Variants in E2F5 observed in about 807,000 individuals in gnomAD.
The protein encoded by E2F5 is E2F transcription factor 5.
Under a neutral mutation model 39.1 loss-of-function variants are expected in E2F5, and 23 were observed. The ratio of observed to expected loss-of-function variants is 0.59; its 90% CI spans 0.42 to 0.83. E2F5 has a LOEUF of 0.83. Ranked by LOEUF, E2F5 falls within the 40% of genes least tolerant of loss-of-function variation. The probability of loss-of-function intolerance (pLI) is 0.00; values close to 1 mark genes in which losing one functional copy is unlikely to be tolerated. For missense variants in E2F5, 365 were observed against 406.7 expected (o/e 0.90, Z 0.88); for synonymous variants, 145 against 157.8 (o/e 0.92, Z 0.61).
At chr8:85,204,657 C>T (rs1193036296) in intron 3 of E2F5, among the ~76,000 whole-genome samples, 4 of 151,426 alleles carry the variant, frequency 2.6e-5, no homozygotes, top group African/African-American at 7.3e-5. Context: ...CAAACCTGCA[C>T]GTTGTGCACA....
At chr8:85,181,973 A>T (rs77611935) in intron 1 of E2F5, among the ~76,000 whole-genome samples, 2 of 145,880 alleles carry the variant, frequency 1.4e-5, no homozygotes, top group Non-Finnish European at 3.0e-5. Context: ...AAAAAAAAAA[A>T]CATGGCTCAA....
chr8:85,180,058 G>C (rs1276718422), intron 1 of E2F5, among the ~76,000 whole-genome samples: 1 of 150,874 alleles, frequency 6.6e-6, no homozygotes, highest in Non-Finnish European at 1.5e-5. Flanking sequence ...GTCTTGCTCT[G>C]TCACCCAGGC....
chr8:85,184,930 A>G (rs926562953), intron 1 of E2F5, among the ~76,000 whole-genome samples: 2 of 152,232 alleles, frequency 1.3e-5, no homozygotes, highest in African/African-American at 4.8e-5. Context: ...GAACATGGCC[A>G]TACTGCCCAA....
intron 7 of E2F5, 177 bp from the exon 8 acceptor site, chr8:85,213,574 TTC>T (rs1250006257): frequency 1.3e-4 from 31 of 239,948 alleles, no homozygotes; most frequent in African/African-American, 2.5e-4. Flanking sequence ...AAAAATTAAC[TTC>T]TGTTTCTCAA....
intron 1 of E2F5, among the ~76,000 whole-genome samples, chr8:85,200,645 T>A (rs1812677091): frequency 6.6e-6 from 1 of 152,224 alleles, no homozygotes; most frequent in Non-Finnish European, 1.5e-5. Context: ...TCTGAGTTAC[T>A]TCTCTAGAGA....
chr8:85,198,899 A>G (rs1812635700), intron 1 of E2F5, among the ~76,000 whole-genome samples: 2 of 152,176 alleles, frequency 1.3e-5, no homozygotes, highest in African/African-American at 4.8e-5. Flanking sequence ...CAGAAGGTTC[A>G]AGGCCAGTTT....
At chr8:85,205,405 T>C (rs930619070) in intron 3 of E2F5, among the ~76,000 whole-genome samples, 1 of 152,010 alleles carries the variant, frequency 6.6e-6, no homozygotes, top group African/African-American at 2.4e-5. Flanking sequence ...CCTGCTAAGT[T>C]TTGTATTTTA....
chr8:85,203,528 G>T (rs982820575), intron 3 of E2F5, among the ~76,000 whole-genome samples: 1 of 152,042 alleles, frequency 6.6e-6, no homozygotes, highest in Non-Finnish European at 1.5e-5. Context: ...ATAGAATGCA[G>T]TATGCTAGCC....
At chr8:85,181,033 A>G (rs1812202261) in intron 1 of E2F5, among the ~76,000 whole-genome samples, 1 of 151,726 alleles carries the variant, frequency 6.6e-6, no homozygotes, top group African/African-American at 2.4e-5. Flanking sequence ...GTACACCATT[A>G]TGCCTGGCTT....
chr8:85,195,789 C>T (rs757394583), intron 1 of E2F5, among the ~76,000 whole-genome samples: 15 of 152,104 alleles, frequency 9.9e-5, no homozygotes, highest in Non-Finnish European at 1.9e-4. Flanking sequence ...GCCACTGCAT[C>T]GGCCAAGAGA....
intron 2 of E2F5, among the ~76,000 whole-genome samples, chr8:85,202,880 G>A (rs1187867303): frequency 1.3e-5 from 2 of 152,136 alleles, no homozygotes; most frequent in Non-Finnish European, 2.9e-5. Context: ...AGGGAAGATT[G>A]AGAATTTTTG....
chr8:85,203,117 C>T lies in E2F5; in HGVS notation c.368C>T (p.Thr123Ile). The T allele has an allele frequency of 3.2e-6, 5 of 1,564,576 alleles. No homozygotes were observed. Among genetic ancestry groups the T allele is most frequent in the Non-Finnish European group, 4.3e-6 (5 of 1,155,070 alleles). The change falls in exon 3 of 8, where the codon ACT (threonine) becomes ATT (isoleucine). Residue 123 changes from threonine to isoleucine, a missense_variant. Physicochemically the swap from Thr to Ile is moderately conservative, Grantham distance 89. Transcript: ENST00000416274. ...AGAGGTGTAGGTGCTGGCTGTAATA[C>T]TAAAGAAGTCATAGATAGATTAAGA... ...QWKGVGAGCN[T>I]KEVIDRLRYL...
intron 1 of E2F5, among the ~76,000 whole-genome samples, chr8:85,199,247 C>T (rs2403084): frequency 0.64 from 96,855 of 151,708 alleles, 31,617 homozygotes; most frequent in Non-Finnish European, 0.69. Flanking sequence ...TCAGAACCTT[C>T]GTGCTTGCTG....
In E2F5 at chr8:85,214,325, A is replaced by G; in HGVS notation, c.*463A>G. 1.7e-6 allele frequency: 1 copy of G among 591,106 alleles called. No homozygotes were observed. The highest frequency in any genetic ancestry group is 2.9e-5 in the Admixed American group (1 of 34,038). The allele number at this position is 591,106 out of a possible 1,614,324, so 36.6% of individuals were successfully genotyped here. ...AAGTGAAGGATGTAAACGAGGATAT[A>G]TAACTGTTTCAGTGAACAGATTTTG... is the stretch of plus-strand genomic sequence containing the variant. On this transcript the variant is annotated 3_prime_UTR_variant, in exon 8 of 8. Transcript: ENST00000416274.
At chr8:85,205,389 C>T (rs1313237019) in intron 3 of E2F5, among the ~76,000 whole-genome samples, 1 of 152,102 alleles carries the variant, frequency 6.6e-6, no homozygotes, top group Non-Finnish European at 1.5e-5. Flanking sequence ...GTGCTCACCA[C>T]CATGCCCTGC....
intron 5 of E2F5, among the ~76,000 whole-genome samples, chr8:85,208,330 A>AAAC (rs1211355118): frequency 2.6e-5 from 4 of 152,168 alleles, no homozygotes; most frequent in South Asian, 2.1e-4. Context: ...CTCTGTATCA[A>AAAC]AACAACAACA....
intron 2 of E2F5, among the ~76,000 whole-genome samples, chr8:85,202,592 T>C (rs963403443): frequency 6.6e-6 from 1 of 152,246 alleles, no homozygotes; most frequent in Non-Finnish European, 1.5e-5. Context: ...AATTTGTACT[T>C]TGTAAATAGT....
At chr8:85,187,121 A>T (rs1421512731) in intron 1 of E2F5, among the ~76,000 whole-genome samples, 2 of 151,844 alleles carry the variant, frequency 1.3e-5, no homozygotes, top group Non-Finnish European at 2.9e-5. Context: ...ATTTCCATGT[A>T]TTTGTGAATA....
chr8:85,177,860 G>C lies in E2F5; in HGVS notation c.234+206G>C, dbSNP rs1587476686. 7.5e-6 allele frequency: 7 copies of C among 933,202 alleles called. No homozygotes were observed. In the East Asian group the frequency reaches 3.5e-4, roughly 47 times the overall value. 57.8% of individuals were successfully genotyped at this position (933,202 alleles called of 1,614,324 possible). A position where few individuals can be genotyped will look rare whatever the true frequency, so the allele number is the denominator to read the frequency against. On this transcript the variant is annotated intron_variant, in intron 1 of 7. Transcript: ENST00000416274. ...ACGAGGGACCAGGATGGCACCGAGC[G>C]GACGCGTAACCAATGGGGCCCGGCG...
Sources: gnomAD v4.1 joint callset for allele counts (sites outside exome capture counted in the v4.1 genomes callset) on GRCh38, gnomAD v4.1.1 for gene constraint, MANE v1.5 for transcripts, NCBI Gene and HGNC (gene_info 2026-07-23, HGNC 2026-07-21) for gene names.